The following CACNG4 variants were observed in gnomAD, a reference collection of about 807,000 sequenced individuals.
CACNG4 encodes the protein voltage-dependent calcium channel gamma-4 subunit.
CACNG4 carries 8 observed loss-of-function variants against 22.9 expected under a neutral mutation model. The ratio of observed to expected loss-of-function variants is 0.35; its 90% CI spans 0.21 to 0.63. CACNG4 has a LOEUF of 0.63. CACNG4 is among the 30% of genes least tolerant of loss of function. The pLI is 0.72. For synonymous variants in CACNG4, 188 were observed against 191.9 expected (o/e 0.98, Z 0.17); for missense variants, 357 against 455.4 (o/e 0.78, Z 1.97).
intron 3 of CACNG4, among the ~76,000 whole-genome samples, chr17:67,028,066 C>T (rs968773351): frequency 2.0e-5 from 3 of 151,696 alleles, no homozygotes; most frequent in Admixed American, 2.0e-4. Context: ...TAAAAAAAAA[C>T]CATGTTGGAA....
chr17:66,996,525 G>T (rs1427694266), intron 1 of CACNG4, among the ~76,000 whole-genome samples: 2 of 151,880 alleles, frequency 1.3e-5, no homozygotes, highest in Non-Finnish European at 2.9e-5. Flanking sequence ...AACTACAGGG[G>T]CACGCCATGA....
chr17:66,979,066 C>T (rs2035255419), intron 1 of CACNG4, among the ~76,000 whole-genome samples: 1 of 137,444 alleles, frequency 7.3e-6, no homozygotes, highest in Non-Finnish European at 1.5e-5. Flanking sequence ...TGATGTGTCT[C>T]CAGTCTTCTT....
At chr17:67,028,904 A>G (rs932095301) in intron 3 of CACNG4, among the ~76,000 whole-genome samples, 9 of 152,224 alleles carry the variant, frequency 5.9e-5, no homozygotes, top group African/African-American at 1.9e-4. Flanking sequence ...AAGTCTGATA[A>G]TATTCATGAT....
chr17:66,979,396 G>A (rs1235336484), intron 1 of CACNG4, among the ~76,000 whole-genome samples: 1 of 152,066 alleles, frequency 6.6e-6, no homozygotes, highest in African/African-American at 2.4e-5. Flanking sequence ...TATTAGGAGG[G>A]TTATTAAACA....
At chr17:66,994,968 T>C (rs994628193) in intron 1 of CACNG4, among the ~76,000 whole-genome samples, 11 of 152,162 alleles carry the variant, frequency 7.2e-5, no homozygotes, top group African/African-American at 2.7e-4. Flanking sequence ...TGGAGAGAAC[T>C]GCTTTGCAAA....
intron 1 of CACNG4, among the ~76,000 whole-genome samples, chr17:67,004,408 G>A (rs1292920961): frequency 1.3e-5 from 2 of 152,144 alleles, no homozygotes; most frequent in Non-Finnish European, 2.9e-5. Context: ...TGAAGAACTC[G>A]CTGAGCCAGA....
rs573151500 is a variant in CACNG4 at position 67,027,474 on chromosome 17, TG to T, written c.445+2478del. On this transcript the variant is annotated intron_variant, in intron 3 of 3. Coordinates refer to ENST00000262138, the MANE Select transcript of CACNG4 (RefSeq NM_014405.4). This position sits in a 1 kb window ranked among gnomAD's most constrained non-coding sequence, Gnocchi z 4.3. ...AGGGCAGCAGGCACTGAGTCATGTG[TG>T]GGGCCTGGCTTCAGGCCACCAGCCC... Among the ~76,000 whole-genome samples the T allele has an allele frequency of 2.6e-3, 402 of 152,258 alleles. 2 individuals are homozygous for T. The highest frequency in any genetic ancestry group is 0.01 in the South Asian group (49 of 4,818).
intron 1 of CACNG4, among the ~76,000 whole-genome samples, chr17:67,014,034 G>A (rs1026712747): frequency 7.9e-5 from 12 of 152,202 alleles, no homozygotes; most frequent in South Asian, 2.1e-4. Context: ...GCCTGAGGCC[G>A]AGTGACTAAC....
In CACNG4 at chr17:66,984,170, G is replaced by A. The variant is rs759261833; in HGVS notation, c.220+19039G>A. Among the ~76,000 whole-genome samples, 8 of 150,308 alleles carry A rather than the reference G, an allele frequency of 5.3e-5. No homozygotes were observed. The highest frequency in any genetic ancestry group is 8.8e-5 in the Non-Finnish European group (6 of 67,954). On this transcript the variant is annotated intron_variant, in intron 1 of 3. Coordinates refer to ENST00000262138, the MANE Select transcript of CACNG4 (RefSeq NM_014405.4). This position sits in a 1 kb window ranked among gnomAD's most constrained non-coding sequence, Gnocchi z 4.0. ...AAGGCAGGAGGATCACTAGAGGCCA[G>A]GAGTTCAAGACCAGTTTGGCAACAT...
chr17:66,980,034 A>G (rs907140120), intron 1 of CACNG4, among the ~76,000 whole-genome samples: 3 of 152,148 alleles, frequency 2.0e-5, no homozygotes, highest in East Asian at 1.9e-4. Context: ...GATTACAGGC[A>G]TGAGCCACTG....
chr17:66,978,369 A>G (rs913819576), intron 1 of CACNG4, among the ~76,000 whole-genome samples: 11 of 152,206 alleles, frequency 7.2e-5, no homozygotes, highest in African/African-American at 2.7e-4. Flanking sequence ...AACCCAAAAA[A>G]TACGTGGTAC....
At position 66,984,095 on chromosome 17, in the gene CACNG4, G is replaced by A. The variant is rs1189825800; in HGVS notation, c.220+18964G>A. ...TTATCTTCAGTAAAAATTAAAAATA[G>A]TAGCCAGCTGCAATGGCTTGAACCT... On this transcript the variant is annotated intron_variant, in intron 1 of 3. Coordinates refer to ENST00000262138, the MANE Select transcript of CACNG4 (RefSeq NM_014405.4). The surrounding 1 kb of genome is among the most constrained non-coding windows in gnomAD (Gnocchi z 4.0). Among the ~76,000 whole-genome samples the A allele has an allele frequency of 6.6e-6, 1 of 152,190 alleles. No individual in the cohort carries two copies. The highest frequency in any genetic ancestry group is 1.5e-5 in the Non-Finnish European group (1 of 68,030).
intron 2 of CACNG4, among the ~76,000 whole-genome samples, chr17:67,024,381 A>G (rs935632559): frequency 1.3e-5 from 2 of 152,354 alleles, no homozygotes; most frequent in South Asian, 2.1e-4. Context: ...CACAGCCAGC[A>G]TGCCACAGCA....
chr17:67,000,692 G>A (rs2035403011), intron 1 of CACNG4, among the ~76,000 whole-genome samples: 1 of 152,182 alleles, frequency 6.6e-6, no homozygotes. Flanking sequence ...ACTTTGGGAG[G>A]GTGCTAGTGT....
chr17:66,986,111 G>A (rs2035304424), intron 1 of CACNG4, among the ~76,000 whole-genome samples: 2 of 152,184 alleles, frequency 1.3e-5, no homozygotes, highest in East Asian at 1.9e-4. Context: ...GATTGTTCCC[G>A]GATGCCTAAG....
chr17:67,029,296 C>T (rs918206699), intron 3 of CACNG4, among the ~76,000 whole-genome samples: 3 of 151,830 alleles, frequency 2.0e-5, no homozygotes, highest in Non-Finnish European at 4.4e-5. Context: ...CGTGCCACTG[C>T]ACTCAGCCTG....
chr17:67,011,684 C>T (rs1354363543), intron 1 of CACNG4, among the ~76,000 whole-genome samples: 2 of 152,106 alleles, frequency 1.3e-5, no homozygotes, highest in African/African-American at 4.8e-5. Flanking sequence ...ACAATACTGT[C>T]GAGCAATGAA....
At chr17:66,976,731 G>A (rs1040297604) in intron 1 of CACNG4, among the ~76,000 whole-genome samples, 1 of 149,706 alleles carries the variant, frequency 6.7e-6, no homozygotes, top group African/African-American at 2.4e-5. Context: ...CACAGCGGCC[G>A]TGCTCCCACA....
chr17:66,982,018 G>C (rs1277625494), intron 1 of CACNG4, among the ~76,000 whole-genome samples: 1 of 152,218 alleles, frequency 6.6e-6, no homozygotes, highest in Non-Finnish European at 1.5e-5. Context: ...GTCCAGAGTT[G>C]ATTCATTCTG....
Sources: allele counts gnomAD v4.1 joint callset (sites outside exome capture counted in the v4.1 genomes callset), GRCh38; gene constraint gnomAD v4.1.1; non-coding constraint Gnocchi (gnomAD v3.1); transcripts MANE v1.5; gene names NCBI Gene and HGNC (gene_info 2026-07-23, HGNC 2026-07-21).